Variants in SMAP1 observed in about 807,000 individuals in gnomAD.
The protein encoded by SMAP1 is small ArfGAP 1.
A neutral mutation model predicts 58.5 loss-of-function variants in SMAP1; 24 were observed. That is an observed-to-expected ratio of 0.41 (90% CI 0.30 to 0.58). SMAP1 has a LOEUF of 0.58. Among genes scored for constraint, SMAP1 ranks in the 20% least tolerant of loss-of-function variants. SMAP1 has a pLI of 0.29. For missense variants in SMAP1, 563 were observed against 566.3 expected, an observed-to-expected ratio of 0.99 and a Z score of 0.06; for synonymous variants, 216 against 196.6, an observed-to-expected ratio of 1.10 and a Z score of -0.82.
At chr6:70,851,221 AT>A (rs1356323273) in intron 7 of SMAP1, among the ~76,000 whole-genome samples, 1 of 152,178 alleles carries the variant, frequency 6.6e-6, no homozygotes, top group Non-Finnish European at 1.5e-5. Flanking sequence ...AGCAAAAAAT[AT>A]TTTATCGTGA....
At chr6:70,841,346 C>T in intron 7 of SMAP1, among the ~76,000 whole-genome samples, 1 of 152,134 alleles carries the variant, frequency 6.6e-6, no homozygotes. Context: ...GAGGCGTTAC[C>T]CACAGTCCTA....
chr6:70,688,324 T>C (rs942137951), intron 1 of SMAP1, among the ~76,000 whole-genome samples: 18 of 152,190 alleles, frequency 1.2e-4, no homozygotes, highest in African/African-American at 4.1e-4. Flanking sequence ...TGCCCAGTAG[T>C]GCAGTTTGCT....
chr6:70,770,613 C>T (rs1183269030), intron 3 of SMAP1, among the ~76,000 whole-genome samples: 1 of 152,098 alleles, frequency 6.6e-6, no homozygotes, highest in Non-Finnish European at 1.5e-5. Flanking sequence ...CTCCTTTAAG[C>T]CCTTCTCTAT....
intron 2 of SMAP1, among the ~76,000 whole-genome samples, chr6:70,753,494 C>T (rs868558773): frequency 2.0e-5 from 3 of 152,090 alleles, no homozygotes; most frequent in Admixed American, 6.6e-5. Flanking sequence ...ATTCCCATCA[C>T]GGCACAAAGA....
chr6:70,811,572 T>A (rs1180641237), intron 6 of SMAP1, among the ~76,000 whole-genome samples: 1 of 120,666 alleles, frequency 8.3e-6, no homozygotes, highest in South Asian at 2.9e-4. Context: ...CCACCCCTGC[T>A]GACACACACA....
chr6:70,720,620 G>A (rs1345524923), intron 1 of SMAP1, among the ~76,000 whole-genome samples: 5 of 152,226 alleles, frequency 3.3e-5, no homozygotes, highest in South Asian at 4.1e-4. Flanking sequence ...GCATCCAGGC[G>A]TTTCCATACA....
intron 1 of SMAP1, chr6:70,694,580 G>A (rs1562097541): frequency 6.6e-6 from 1 of 152,652 alleles, no homozygotes; most frequent in Non-Finnish European, 1.5e-5. Flanking sequence ...AGTGACTGTT[G>A]GCTCTCACTT....
intron 1 of SMAP1, among the ~76,000 whole-genome samples, chr6:70,717,690 A>G (rs1256709374): frequency 2.6e-5 from 4 of 152,184 alleles, no homozygotes; most frequent in Non-Finnish European, 4.4e-5. Context: ...CTTTTCCATC[A>G]TCTTGCTGAT....
At position 70,705,897 on chromosome 6, in the gene SMAP1, A is replaced by G. The variant is rs941396153; in HGVS notation, c.119-26481A>G. ...CCATAGCCATAAGCGTCTGATTGAT[A>G]AAGCAAACCCAAGTTCTTTGTAGAA... On this transcript the variant is annotated intron_variant, in intron 1 of 10. Transcript: ENST00000370455. Among the ~76,000 whole-genome samples, 3 of 152,194 alleles carry G rather than the reference A, an allele frequency of 2.0e-5. 1 individual carries two copies. The highest frequency in any genetic ancestry group is 4.4e-5 in the Non-Finnish European group (3 of 68,044).
chr6:70,832,958 A>C (rs1375789105), intron 6 of SMAP1, among the ~76,000 whole-genome samples: 1 of 152,224 alleles, frequency 6.6e-6, no homozygotes, highest in Non-Finnish European at 1.5e-5. Flanking sequence ...TTACTCATCT[A>C]GGACTAGGAA....
At chr6:70,790,714 T>A (rs1768313745) in intron 4 of SMAP1, among the ~76,000 whole-genome samples, 1 of 152,140 alleles carries the variant, frequency 6.6e-6, no homozygotes, top group South Asian at 2.1e-4. Context: ...ACAAGCAGAT[T>A]GAGGGAGGAC....
intron 6 of SMAP1, among the ~76,000 whole-genome samples, chr6:70,817,051 A>G (rs972501650): frequency 6.6e-6 from 1 of 151,570 alleles, no homozygotes; most frequent in Non-Finnish European, 1.5e-5. Flanking sequence ...TCCAATCGGT[A>G]GATTTTAGTG....
Position 70,770,154 on chromosome 6 carries a change from C to T in SMAP1, c.339-3196C>T, listed in dbSNP as rs372745029. ...GATGGGCTTCCCTTTGTGGGTAACC[C>T]GACCTTTCTCTCTGGCTGCCCTTAA... On this transcript the variant is annotated intron_variant, in intron 3 of 10. Coordinates refer to ENST00000370455, the MANE Select transcript of SMAP1 (RefSeq NM_001044305.3). Among the ~76,000 whole-genome samples the T allele has an allele frequency of 3.9e-4, 59 of 151,750 alleles. 1 individual carries two copies. The East Asian group carries it at 9.5e-3, about 24-fold the overall frequency.
intron 5 of SMAP1, among the ~76,000 whole-genome samples, chr6:70,796,747 A>G (rs1369320626): frequency 6.6e-6 from 1 of 152,214 alleles, no homozygotes; most frequent in Non-Finnish European, 1.5e-5. Context: ...GTTTAAGGCA[A>G]AATGTCACTT....
intron 5 of SMAP1, among the ~76,000 whole-genome samples, chr6:70,792,425 G>A (rs1167516549): frequency 8.3e-6 from 1 of 119,858 alleles, no homozygotes; most frequent in African/African-American, 3.1e-5. Context: ...ATGATAAATG[G>A]TTGGCTAGAT....
At chr6:70,807,437 C>T (rs757394913) in intron 6 of SMAP1, among the ~76,000 whole-genome samples, 4 of 152,002 alleles carry the variant, frequency 2.6e-5, no homozygotes, top group Non-Finnish European at 4.4e-5. Flanking sequence ...GTGTAAATTT[C>T]GTTTTTTCTA....
At chr6:70,834,035 A>C (rs1035187156) in intron 6 of SMAP1, among the ~76,000 whole-genome samples, 1 of 152,236 alleles carries the variant, frequency 6.6e-6, no homozygotes, top group Admixed American at 6.5e-5. Context: ...ATGTGTGAAC[A>C]TCTGGAAGGA....
intron 1 of SMAP1, among the ~76,000 whole-genome samples, chr6:70,707,197 A>G (rs1406250227): frequency 6.6e-6 from 1 of 152,206 alleles, no homozygotes; most frequent in Non-Finnish European, 1.5e-5. Flanking sequence ...TAAGCATGGA[A>G]CATTTGAGCT....
chr6:70,703,953 C>T lies in SMAP1; in HGVS notation c.119-28425C>T, dbSNP rs557937700. Among the ~76,000 whole-genome samples the T allele has an allele frequency of 2.6e-5, 4 of 152,286 alleles. No individual in the cohort carries two copies. The East Asian group carries it at 5.8e-4, about 22-fold the overall frequency. The stretch of plus-strand genomic sequence containing the variant: ...CTCTCACCTAGTTTGTTTTCCATCT[C>T]TTGATTTCCAGTTTCTTCAGCAATG... On this transcript the variant is annotated intron_variant, in intron 1 of 10. Coordinates refer to ENST00000370455, the MANE Select transcript of SMAP1 (RefSeq NM_001044305.3).
Sources: allele counts gnomAD v4.1 joint callset (sites outside exome capture counted in the v4.1 genomes callset), GRCh38; gene constraint gnomAD v4.1.1; transcripts MANE v1.5; gene names NCBI Gene and HGNC (gene_info 2026-07-23, HGNC 2026-07-21).